Variants in ABCB4 observed in about 807,000 individuals in gnomAD.
ABCB4 encodes phosphatidylcholine translocator ABCB4.
Under a neutral mutation model 145.7 loss-of-function variants are expected in ABCB4, and 76 were observed. That is an observed-to-expected ratio of 0.52 (90% CI 0.43 to 0.63). The LOEUF (loss-of-function observed/expected upper bound fraction) is 0.63. ABCB4 is among the 30% of genes least tolerant of loss of function. The probability of loss-of-function intolerance (pLI) is 0.00; values close to 1 mark genes in which losing one functional copy is unlikely to be tolerated. For missense variants in ABCB4, 1,234 were observed against 1,553.1 expected, an observed-to-expected ratio of 0.79 and a Z score of 3.45; for synonymous variants, 517 against 566.8, an observed-to-expected ratio of 0.91 and a Z score of 1.25.
chr7:87,421,572 G>A (rs1308233957), intron 18 of ABCB4, among the ~76,000 whole-genome samples: 1 of 152,182 alleles, frequency 6.6e-6, no homozygotes, highest in Non-Finnish European at 1.5e-5. Context: ...CTGACTTGAT[G>A]GATTGTATTA....
At chr7:87,398,206 T>C (rs1221372712), downstream of ABCB4, 10 of 487,954 alleles carry the variant, frequency 2.0e-5, no homozygotes, top group Admixed American at 5.1e-5. Flanking sequence ...CCAGTAGCAC[T>C]TTAGGAAGGA....
intron 16 of ABCB4, 141 bp downstream of exon 16, chr7:87,426,609 T>G (rs1358990603): frequency 5.0e-6 from 4 of 795,896 alleles, no homozygotes; most frequent in Non-Finnish European, 7.9e-6. Flanking sequence ...CATTTAAAAT[T>G]TGAAAATTTT....
chr7:87,375,557 T>G, the ABCB4 span: 6 of 1,000,300 alleles, frequency 6.0e-6, no homozygotes, highest in Non-Finnish European at 9.4e-6. Context: ...TTGATCAATG[T>G]TATGACCTTT....
chr7:87,458,496 A>G (rs185764284), intron 4 of ABCB4, among the ~76,000 whole-genome samples: 2 of 152,316 alleles, frequency 1.3e-5, no homozygotes, highest in East Asian at 1.9e-4. Context: ...ATTCTAAAGA[A>G]TAGACTAAGT....
intron 3 of ABCB4, among the ~76,000 whole-genome samples, chr7:87,471,459 A>C (rs972278415): frequency 3.3e-5 from 5 of 152,228 alleles, no homozygotes; most frequent in Non-Finnish European, 7.3e-5. Context: ...CCAAAGTGCT[A>C]ATTTTTTTTT....
downstream of ABCB4, chr7:87,399,323 C>G (rs370373603): frequency 7.9e-5 from 12 of 152,254 alleles, no homozygotes; most frequent in East Asian, 1.4e-3. Context: ...AGATCAAAAA[C>G]TTAGCCGGGT....
chr7:87,444,759 C>A (rs1042703480), intron 10 of ABCB4, 103 bp downstream of exon 10: 2 of 806,780 alleles, frequency 2.5e-6, no homozygotes, highest in African/African-American at 3.4e-5. Context: ...TTAGTCAGTA[C>A]AACTTATTCA....
At chr7:87,439,967 G>C in intron 13 of ABCB4, 130 bp from the exon 14 acceptor site, 7 of 1,316,356 alleles carry the variant, frequency 5.3e-6, no homozygotes, top group Non-Finnish European at 7.4e-6. Flanking sequence ...AGTATGATAA[G>C]ATAAATGAAT....
chr7:87,431,426 T>G lies in ABCB4; in HGVS notation c.1871A>C (p.Tyr624Ser). The G allele has an allele frequency of 1.2e-6, 2 of 1,614,120 alleles. No homozygotes were observed. Among genetic ancestry groups the G allele is most frequent in the Non-Finnish European group, 8.5e-7 (1 of 1,179,962 alleles). Residue 624 changes from tyrosine to serine, a missense_variant, in exon 15 of 28, where the codon TAC (tyrosine) becomes TCC (serine). Coordinates refer to ENST00000649586, the MANE Select transcript of ABCB4 (RefSeq NM_000443.4). Reference sequence around the variant, plus strand: ...TACCTGCATGTTGACAAGTTTGAAGTACACCCCTTCCTTCTTCATCAGTTC... The same window carrying G: ...TACCTGCATGTTGACAAGTTTGAAGGACACCCCTTCCTTCTTCATCAGTTC... ...HSELMKKEGV[Y>S]FKLVNMQTSG... is the part of the protein sequence containing the mutation.
Position 87,418,576 on chromosome 7 carries a change from A to G in ABCB4, c.2439T>C (p.Leu813=). The G allele has an allele frequency of 6.2e-7, 1 of 1,614,186 alleles. No homozygotes were observed. The highest frequency in any genetic ancestry group is 1.1e-5 in the South Asian group (1 of 91,080). ...FDDHKNSTGA[L]STRLATDAAQ... is the part of the protein sequence containing the mutation. ...CAGCATCTGTGGCAAGTCTTGTAGA[A>G]AGTGCACCAGTACTGTTTTTATGGT... The change falls in exon 20 of 28, where the codon CTT becomes CTC. Residue 813 remains leucine (L), a synonymous_variant. Transcript: ENST00000649586.
At chr7:87,375,685 T>C in the ABCB4 span, 41 of 1,613,668 alleles carry the variant, frequency 2.5e-5, no homozygotes, top group East Asian at 2.0e-4. Context: ...GGACCTGGGA[T>C]TGCAGCATTA....
chr7:87,414,606 G>A (rs1284180499), intron 21 of ABCB4, among the ~76,000 whole-genome samples: 5 of 152,146 alleles, frequency 3.3e-5, no homozygotes. Flanking sequence ...TAGTTCTGTA[G>A]TTGAGTCATC....
At chr7:87,459,882 G>T (rs1385837583) in intron 4 of ABCB4, among the ~76,000 whole-genome samples, 2 of 152,182 alleles carry the variant, frequency 1.3e-5, no homozygotes, top group Non-Finnish European at 1.5e-5. Flanking sequence ...TATTCCATTG[G>T]TGCTCTAATA....
At chr7:87,423,811 T>A in intron 17 of ABCB4, 95 bp downstream of exon 17, 2 of 1,522,530 alleles carry the variant, frequency 1.3e-6, no homozygotes, top group Non-Finnish European at 1.8e-6. Flanking sequence ...TTAAGGCTGC[T>A]TAATCCCAGA....
chr7:87,369,043 C>G, the ABCB4 span, among the ~76,000 whole-genome samples: 1 of 152,292 alleles, frequency 6.6e-6, no homozygotes, highest in Admixed American at 6.5e-5. Context: ...TGGCTGTCCT[C>G]CAAGATTCCA....
the ABCB4 span, among the ~76,000 whole-genome samples, chr7:87,368,291 A>G: frequency 6.6e-6 from 1 of 151,872 alleles, no homozygotes; most frequent in Non-Finnish European, 1.5e-5. Flanking sequence ...ACCCTTTCCA[A>G]CCATTTATTG....
At chr7:87,372,688 G>A in the ABCB4 span, among the ~76,000 whole-genome samples, 1 of 151,904 alleles carries the variant, frequency 6.6e-6, no homozygotes, top group African/African-American at 2.4e-5. Flanking sequence ...TATTAATATA[G>A]GAATGGCATC....
chr7:87,431,695 C>T lies in ABCB4; in HGVS notation c.1732-130G>A, dbSNP rs986803100. The T allele has an allele frequency of 7.2e-6, 9 of 1,257,354 alleles. No homozygotes were observed. In the African/African-American group the frequency reaches 7.4e-5, roughly 10 times the overall value. The allele number at this position is 1,257,354 out of a possible 1,614,324, so 77.9% of individuals were successfully genotyped here. A position where few individuals can be genotyped will look rare whatever the true frequency, so the allele number is the denominator to read the frequency against. On this transcript the variant is annotated intron_variant, in intron 14 of 27. Transcript: ENST00000649586. The stretch of plus-strand genomic sequence containing the variant: ...GAGTAGTTTATACTCCAGATCTCTG[C>T]GTGATTATGGCAAAGGCATCACTCT...
chr7:87,444,763 T>C (rs1811231757), intron 10 of ABCB4, 99 bp downstream of exon 10: 3 of 834,528 alleles, frequency 3.6e-6, no homozygotes, highest in Non-Finnish European at 3.9e-6. Context: ...TCAGTACAAC[T>C]TATTCAATGT....
Sources: allele counts gnomAD v4.1 joint callset (sites outside exome capture counted in the v4.1 genomes callset), GRCh38; gene constraint gnomAD v4.1.1; transcripts MANE v1.5; gene names NCBI Gene and HGNC (gene_info 2026-07-23, HGNC 2026-07-21).